The following SHOC2 variants were observed in gnomAD, a reference collection of about 807,000 sequenced individuals.
SHOC2 encodes the protein leucine-rich repeat protein SHOC-2.
Under a neutral mutation model 50.2 loss-of-function variants are expected in SHOC2, and 4 were observed. That is an observed-to-expected ratio of 0.08 (90% CI 0.04 to 0.18). SHOC2 has a LOEUF of 0.18. Ranked by LOEUF, SHOC2 falls within the 10% of genes least tolerant of loss-of-function variation. The pLI, the probability that SHOC2 is intolerant of heterozygous loss-of-function variation, is 1.00. For synonymous variants in SHOC2, 218 were observed against 244.5 expected (o/e 0.89, Z 1.01); for missense variants, 388 against 669.6 (o/e 0.58, Z 4.64).
At chr10:110,957,556 C>T (rs1174900090) in intron 1 of SHOC2, among the ~76,000 whole-genome samples, 1 of 145,664 alleles carries the variant, frequency 6.9e-6, no homozygotes, top group African/African-American at 2.6e-5. Flanking sequence ...CCACAATTTC[C>T]AACTCACTCT....
rs1980869 is a variant in SHOC2 at position 111,004,836 on chromosome 10, T to C, written c.1161+42T>C. ...TTACTAGGGAAAGGAATTGCTTTAA[T>C]TGGTACTTCCACTAATATTTATGTT... On this transcript the variant is annotated intron_variant, in intron 5 of 8. Transcript: ENST00000369452. 0.82 allele frequency: 1,125,085 copies of C among 1,367,102 alleles called. 463,055 individuals carry two copies. The highest frequency in any genetic ancestry group is 0.91 in the Admixed American group (52,998 of 58,398). 84.7% of individuals were successfully genotyped at this position (1,367,102 alleles called of 1,614,324 possible). A position where few individuals can be genotyped will look rare whatever the true frequency, so the allele number is the denominator to read the frequency against.
At chr10:111,008,113 C>T (rs891931360) in intron 6 of SHOC2, among the ~76,000 whole-genome samples, 1 of 147,108 alleles carries the variant, frequency 6.8e-6, no homozygotes, top group South Asian at 2.2e-4. Flanking sequence ...ATTTCTAGCC[C>T]TCTAATTTTA....
At position 110,940,910 on chromosome 10, in the gene SHOC2, G is replaced by GTTTTTTTTTTTTTTTTTTTT. The variant is rs539552844; in HGVS notation, c.-235+21272_-235+21291dup. Among the ~76,000 whole-genome samples the GTTTTTTTTTTTTTTTTTTTT allele has an allele frequency of 1.1e-4, 13 of 119,484 alleles. 1 individual carries two copies. Among genetic ancestry groups the GTTTTTTTTTTTTTTTTTTTT allele is most frequent in the East Asian group, 2.5e-4 (1 of 4,024 alleles). 78.4% of individuals were successfully genotyped at this position (119,484 alleles called of 152,430 possible). ...GACAAAATAGTGGTATTTGTGGTGG[G>GTTTTTTTTTTTTTTTTTTTT]TTTTTTTTTTTTTTTTTTTTTTTTT... is the stretch of plus-strand genomic sequence containing the variant. On this transcript the variant is annotated intron_variant, in intron 1 of 8. Coordinates refer to ENST00000369452, the MANE Select transcript of SHOC2 (RefSeq NM_007373.4).
At chr10:110,922,527 A>G (rs1033418158) in intron 1 of SHOC2, among the ~76,000 whole-genome samples, 6 of 152,114 alleles carry the variant, frequency 3.9e-5, no homozygotes, top group African/African-American at 1.4e-4. Context: ...TACAAACTCT[A>G]TATGTAGATA....
At chr10:110,920,886 A>G (rs1386762440) in intron 1 of SHOC2, among the ~76,000 whole-genome samples, 1 of 152,216 alleles carries the variant, frequency 6.6e-6, no homozygotes, top group Non-Finnish European at 1.5e-5. Flanking sequence ...CATTTCGTAT[A>G]CTTTTCTTAG....
intron 2 of SHOC2, among the ~76,000 whole-genome samples, chr10:110,975,602 AT>A (rs369738387): frequency 1.3e-3 from 193 of 143,640 alleles, no homozygotes; most frequent in African/African-American, 4.4e-3. Flanking sequence ...CCTTTGTTTA[AT>A]TTTTTTTTCA....
intron 2 of SHOC2, among the ~76,000 whole-genome samples, chr10:110,975,313 G>A (rs1198921917): frequency 3.3e-5 from 5 of 151,992 alleles, no homozygotes; most frequent in African/African-American, 9.7e-5. Context: ...CTGTGACCAC[G>A]CCCGGCTAAT....
intron 1 of SHOC2, among the ~76,000 whole-genome samples, chr10:110,940,855 G>C (rs1209174652): frequency 6.7e-6 from 1 of 149,610 alleles, no homozygotes; most frequent in Non-Finnish European, 1.5e-5. Flanking sequence ...TCTATAGATT[G>C]ACCACACACA....
At chr10:110,947,439 T>C (rs1309637086) in intron 1 of SHOC2, among the ~76,000 whole-genome samples, 1 of 152,132 alleles carries the variant, frequency 6.6e-6, no homozygotes, top group Admixed American at 6.5e-5. Flanking sequence ...ACTGGAGAGG[T>C]GACTACTTCT....
At chr10:110,922,804 A>T (rs1227548073) in intron 1 of SHOC2, among the ~76,000 whole-genome samples, 1 of 152,114 alleles carries the variant, frequency 6.6e-6, no homozygotes, top group African/African-American at 2.4e-5. Context: ...GGAAATTTAA[A>T]TATAAATTGG....
intron 1 of SHOC2, among the ~76,000 whole-genome samples, chr10:110,939,211 A>G (rs1244578935): frequency 2.0e-5 from 3 of 151,938 alleles, no homozygotes; most frequent in Non-Finnish European, 4.4e-5. Context: ...TGCCTTAAAA[A>G]TTTTATTTTA....
chr10:110,977,071 C>T (rs986328254), intron 2 of SHOC2, among the ~76,000 whole-genome samples: 3 of 152,140 alleles, frequency 2.0e-5, no homozygotes, highest in Admixed American at 6.5e-5. Context: ...TTTCTCACCT[C>T]TATACATTCC....
intron 3 of SHOC2, among the ~76,000 whole-genome samples, chr10:110,999,965 CA>C (rs1250962414): frequency 6.6e-6 from 1 of 151,902 alleles, no homozygotes; most frequent in East Asian, 1.9e-4. Flanking sequence ...ATATTTTAAA[CA>C]ATACCATTTT....
At chr10:110,996,093 A>G (rs1848262713) in intron 3 of SHOC2, among the ~76,000 whole-genome samples, 1 of 152,338 alleles carries the variant, frequency 6.6e-6, no homozygotes, top group Admixed American at 6.5e-5. Context: ...AGAAGAGACT[A>G]TGTCTTGTGT....
At chr10:110,932,624 T>G (rs1252248672) in intron 1 of SHOC2, among the ~76,000 whole-genome samples, 1 of 152,200 alleles carries the variant, frequency 6.6e-6, no homozygotes, top group Non-Finnish European at 1.5e-5. Context: ...CTTTCACCTT[T>G]TTTGGTTGAT....
intron 1 of SHOC2, among the ~76,000 whole-genome samples, chr10:110,956,548 A>C (rs1007079883): frequency 1.3e-5 from 2 of 152,184 alleles, no homozygotes; most frequent in Admixed American, 6.5e-5. Context: ...CTTTTTAAAA[A>C]ACCTTTGTTT....
chr10:110,925,761 A>G (rs956241132), intron 1 of SHOC2, among the ~76,000 whole-genome samples: 1 of 152,154 alleles, frequency 6.6e-6, no homozygotes, highest in Non-Finnish European at 1.5e-5. Context: ...CGGACCTTTC[A>G]TGCAATATAA....
In SHOC2 at chr10:110,940,927, T is replaced by G. The variant is rs1232112176; in HGVS notation, c.-235+21270T>G. 6.7e-3 allele frequency among the ~76,000 whole-genome samples: 55 copies of G among 8,216 alleles called. 7 individuals carry two copies. The highest frequency in any genetic ancestry group is 0.012 in the African/African-American group (42 of 3,646). The allele number at this position is 8,216 out of a possible 152,430, so 5.4% of individuals were successfully genotyped here. A position where few individuals can be genotyped will look rare whatever the true frequency, so the allele number is the denominator to read the frequency against. On this transcript the variant is annotated intron_variant, in intron 1 of 8. Transcript: ENST00000369452. ...TGTGGTGGGTTTTTTTTTTTTTTTTTTTTTTTTTTTTTTTTTTTTTTGTGA... is the reference window on the plus strand; with the variant it reads ...TGTGGTGGGTTTTTTTTTTTTTTTTGTTTTTTTTTTTTTTTTTTTTTGTGA...
intron 3 of SHOC2, among the ~76,000 whole-genome samples, chr10:110,998,302 C>T (rs149138875): frequency 1.8e-4 from 28 of 151,976 alleles, no homozygotes; most frequent in Non-Finnish European, 3.7e-4. Flanking sequence ...CCTGGCCTAA[C>T]GCAGTGATAG....
Sources: allele counts gnomAD v4.1 joint callset (sites outside exome capture counted in the v4.1 genomes callset), GRCh38; gene constraint gnomAD v4.1.1; transcripts MANE v1.5; gene names NCBI Gene and HGNC (gene_info 2026-07-23, HGNC 2026-07-21).